NALCN: variants seen among roughly 807,000 people sequenced by gnomAD.
NALCN encodes sodium leak channel NALCN.
Under a neutral mutation model 225.3 loss-of-function variants are expected in NALCN, and 111 were observed. The ratio of observed to expected loss-of-function variants is 0.49; its 90% CI spans 0.42 to 0.58. The LOEUF is 0.58. NALCN is among the 20% of genes least tolerant of loss of function. The probability of loss-of-function intolerance (pLI) is 0.00; values close to 1 mark genes in which losing one functional copy is unlikely to be tolerated. For missense variants in NALCN, 1,378 were observed against 2,202.4 expected, an observed-to-expected ratio of 0.63 and a Z score of 7.49; for synonymous variants, 764 against 769.0, an observed-to-expected ratio of 0.99 and a Z score of 0.11.
chr13:101,166,112 C>T (rs538530326), intron 15 of NALCN, among the ~76,000 whole-genome samples: 7 of 152,272 alleles, frequency 4.6e-5, no homozygotes, highest in South Asian at 2.1e-4. Context: ...TATTTCCTTG[C>T]GTGTAGATAC....
rs140646898 is a variant in NALCN at position 101,222,656 on chromosome 13, G to A, written c.1626+6737C>T. The stretch of plus-strand genomic sequence containing the variant: ...TGCCCCCTTGCCTTTGGGCACATCC[G>A]CCCAACAAGCAGAATTAGTTGCCCT... On this transcript the variant is annotated intron_variant, in intron 13 of 43. Coordinates refer to ENST00000251127, the MANE Select transcript of NALCN (RefSeq NM_052867.4). Among the ~76,000 whole-genome samples the A allele has an allele frequency of 3.3e-3, 505 of 152,150 alleles. 2 individuals are homozygous for A. The highest frequency in any genetic ancestry group is 0.012 in the African/African-American group (484 of 41,492).
chr13:101,160,841 T>C (rs991801907), intron 15 of NALCN, among the ~76,000 whole-genome samples: 3 of 152,202 alleles, frequency 2.0e-5, no homozygotes, highest in African/African-American at 7.2e-5. Context: ...AGGAATCATA[T>C]TGATTAGCTG....
chr13:101,219,838 T>G (rs1320970645), intron 13 of NALCN, among the ~76,000 whole-genome samples: 1 of 152,190 alleles, frequency 6.6e-6, no homozygotes, highest in Admixed American at 6.6e-5. Context: ...CAAATCCAGC[T>G]GTCCAGCTGT....
intron 6 of NALCN, among the ~76,000 whole-genome samples, chr13:101,358,574 G>C (rs936636943): frequency 6.6e-6 from 1 of 152,158 alleles, no homozygotes; most frequent in Non-Finnish European, 1.5e-5. Context: ...TGGAGAAATA[G>C]GAACGCTTTT....
chr13:101,180,929 A>C, intron 14 of NALCN: 2 of 410,230 alleles, frequency 4.9e-6, no homozygotes, highest in Non-Finnish European at 9.5e-6. Flanking sequence ...CGTGAAAGAA[A>C]ATTGGAGAGC....
intron 13 of NALCN, among the ~76,000 whole-genome samples, chr13:101,204,182 A>G (rs1343763134): frequency 6.6e-6 from 1 of 152,178 alleles, no homozygotes; most frequent in Non-Finnish European, 1.5e-5. Context: ...GAAGTCAATT[A>G]CCTTTATGTT....
intron 20 of NALCN, 89 bp downstream of exon 20, chr13:101,110,530 C>A: frequency 7.2e-7 from 1 of 1,386,148 alleles, no homozygotes; most frequent in Non-Finnish European, 1.0e-6. Flanking sequence ...GGGAATGCAG[C>A]AGAAAGACAC....
At chr13:101,101,858 C>T (rs2034839688) in intron 26 of NALCN, among the ~76,000 whole-genome samples, 1 of 152,118 alleles carries the variant, frequency 6.6e-6, no homozygotes, top group South Asian at 2.1e-4. Flanking sequence ...ATCACACTGA[C>T]CACCATTAGG....
At chr13:101,252,791 AG>A (rs1408374860) in intron 11 of NALCN, among the ~76,000 whole-genome samples, 4 of 152,254 alleles carry the variant, frequency 2.6e-5, no homozygotes, top group African/African-American at 9.6e-5. Flanking sequence ...GGATAATGCT[AG>A]GGGGTGACAC....
At chr13:101,151,583 G>T (rs959951713) in intron 15 of NALCN, among the ~76,000 whole-genome samples, 1 of 152,160 alleles carries the variant, frequency 6.6e-6, no homozygotes, top group Non-Finnish European at 1.5e-5. Context: ...GAAGAAAGGA[G>T]TCCCTCCTCT....
At chr13:101,320,001 T>C (rs1317547211) in intron 7 of NALCN, among the ~76,000 whole-genome samples, 2 of 152,200 alleles carry the variant, frequency 1.3e-5, no homozygotes, top group Non-Finnish European at 2.9e-5. Context: ...TTTCCCATGA[T>C]AGTTAACTAA....
chr13:101,245,208 C>T (rs2140174853), intron 11 of NALCN, among the ~76,000 whole-genome samples: 1 of 152,328 alleles, frequency 6.6e-6, no homozygotes, highest in South Asian at 2.1e-4. Flanking sequence ...GTTTCATATT[C>T]TGCAGTGCAT....
intron 10 of NALCN, among the ~76,000 whole-genome samples, chr13:101,272,078 T>C (rs1390026034): frequency 2.6e-5 from 4 of 151,910 alleles, no homozygotes; most frequent in African/African-American, 9.7e-5. Flanking sequence ...TGTGTAGGCA[T>C]GTGTATGTGC....
intron 13 of NALCN, among the ~76,000 whole-genome samples, chr13:101,216,433 G>C (rs1210081811): frequency 6.6e-6 from 1 of 152,108 alleles, no homozygotes; most frequent in Non-Finnish European, 1.5e-5. Context: ...CAGAGATCAG[G>C]AAGAGGCACC....
chr13:101,345,825 T>G (rs115868065), intron 6 of NALCN, among the ~76,000 whole-genome samples: 1 of 143,716 alleles, frequency 7.0e-6, no homozygotes, highest in South Asian at 2.2e-4. Flanking sequence ...CTTGCTCTTA[T>G]GTTGTAGATA....
At chr13:101,267,631 C>T (rs1022778597) in intron 10 of NALCN, among the ~76,000 whole-genome samples, 16 of 152,346 alleles carry the variant, frequency 1.1e-4, no homozygotes, top group African/African-American at 3.6e-4. Flanking sequence ...GCAGCCTAGC[C>T]TGTTGCATGG....
At chr13:101,097,353 T>C (rs2034566159) in intron 27 of NALCN, among the ~76,000 whole-genome samples, 1 of 152,222 alleles carries the variant, frequency 6.6e-6, no homozygotes, top group Non-Finnish European at 1.5e-5. Context: ...ATTGCGATTA[T>C]CTTTCCATAA....
intron 13 of NALCN, among the ~76,000 whole-genome samples, chr13:101,215,692 CTATT>C (rs1566442448): frequency 1.3e-5 from 2 of 151,320 alleles, no homozygotes; most frequent in African/African-American, 4.8e-5. Flanking sequence ...TTTTTTTTTC[CTATT>C]TATTAATTTA....
chr13:101,268,274 A>G (rs557576532), intron 10 of NALCN, among the ~76,000 whole-genome samples: 9 of 152,210 alleles, frequency 5.9e-5, no homozygotes, highest in Non-Finnish European at 1.0e-4. Context: ...CTTCATGTTT[A>G]CTGATGTCAT....
Sources: gnomAD v4.1 joint callset for allele counts (sites outside exome capture counted in the v4.1 genomes callset) on GRCh38, gnomAD v4.1.1 for gene constraint, MANE v1.5 for transcripts, NCBI Gene and HGNC (gene_info 2026-07-23, HGNC 2026-07-21) for gene names.